The following SNTG1 variants were observed in gnomAD, a reference collection of about 807,000 sequenced individuals.
SNTG1 encodes syntrophin gamma 1.
A neutral mutation model predicts 74.7 loss-of-function variants in SNTG1; 39 were observed. The observed-to-expected ratio is 0.52, with a 90% CI of 0.40 to 0.68. SNTG1 has a LOEUF of 0.68. Among genes scored for constraint, SNTG1 ranks in the 30% least tolerant of loss-of-function variants. The pLI is 0.00. For missense variants in SNTG1, 685 were observed against 609.5 expected (o/e 1.12, Z -1.30); for synonymous variants, 254 against 217.1 (o/e 1.17, Z -1.49).
chr8:50,430,780 A>T (rs1198654722), intron 4 of SNTG1, among the ~76,000 whole-genome samples: 2 of 152,164 alleles, frequency 1.3e-5, no homozygotes, highest in Non-Finnish European at 2.9e-5. Context: ...CCATCCAGAA[A>T]AGGCAAGAAT....
intron 2 of SNTG1, among the ~76,000 whole-genome samples, chr8:50,369,648 C>T (rs2092219115): frequency 6.6e-6 from 1 of 151,494 alleles, no homozygotes; most frequent in East Asian, 1.9e-4. Flanking sequence ...AGCTCATTAT[C>T]TACCAAGTGA....
At chr8:50,047,567 T>A (rs1340032958) in intron 1 of SNTG1, among the ~76,000 whole-genome samples, 1 of 152,178 alleles carries the variant, frequency 6.6e-6, no homozygotes, top group Non-Finnish European at 1.5e-5. Context: ...ACCAGAATGT[T>A]TCATGGAACA....
intron 17 of SNTG1, among the ~76,000 whole-genome samples, chr8:50,735,504 A>G (rs1284499029): frequency 6.6e-6 from 1 of 151,868 alleles, no homozygotes; most frequent in African/African-American, 2.4e-5. Flanking sequence ...AAATCGATCA[A>G]TCAGAAGAAA....
chr8:50,197,739 C>T (rs939660523), intron 2 of SNTG1, among the ~76,000 whole-genome samples: 3 of 152,056 alleles, frequency 2.0e-5, no homozygotes, highest in Admixed American at 2.0e-4. Context: ...TGATGCATCT[C>T]GTTTCAAACT....
intron 1 of SNTG1, among the ~76,000 whole-genome samples, chr8:50,030,025 T>G (rs1230895543): frequency 2.0e-5 from 3 of 152,142 alleles, no homozygotes; most frequent in African/African-American, 7.2e-5. Context: ...TGCTTACCGT[T>G]TAGATAAAAG....
chr8:50,755,953 C>T lies in SNTG1; in HGVS notation c.1395+3842C>T, dbSNP rs147663183. Among the ~76,000 whole-genome samples the T allele has an allele frequency of 8.3e-3, 1,210 of 146,100 alleles. 5 individuals are homozygous for T. Among genetic ancestry groups the T allele is most frequent in the South Asian group, 0.019 (83 of 4,460 alleles). ...CTGGCCCATTTTTAATATTTTCATA[C>T]GCTAATTTTCATCTGTATATATTCT... is the stretch of plus-strand genomic sequence containing the variant. On this transcript the variant is annotated intron_variant, in intron 18 of 18. Transcript: ENST00000642720.
chr8:50,136,018 C>T (rs2081463450), intron 1 of SNTG1, among the ~76,000 whole-genome samples: 1 of 152,070 alleles, frequency 6.6e-6, no homozygotes, highest in Admixed American at 6.6e-5. Flanking sequence ...GTTTCCTGCC[C>T]CTGTGTTAGT....
chr8:50,688,892 T>C (rs1256579024), intron 15 of SNTG1, among the ~76,000 whole-genome samples: 4 of 152,070 alleles, frequency 2.6e-5, no homozygotes, highest in African/African-American at 9.7e-5. Flanking sequence ...CCCATGAGCA[T>C]GGAATGTTCT....
chr8:50,261,348 A>T (rs2087184097), intron 2 of SNTG1, among the ~76,000 whole-genome samples: 2 of 152,210 alleles, frequency 1.3e-5, no homozygotes, highest in African/African-American at 4.8e-5. Context: ...ACTTTTCCAG[A>T]TAAATAAAAA....
chr8:50,676,851 A>T (rs1379761588), intron 15 of SNTG1, among the ~76,000 whole-genome samples: 4 of 151,990 alleles, frequency 2.6e-5, no homozygotes, highest in Non-Finnish European at 4.4e-5. Flanking sequence ...AAAACAATGC[A>T]AGATTATTAT....
chr8:50,042,815 C>A (rs1281737509), intron 1 of SNTG1, among the ~76,000 whole-genome samples: 2 of 151,512 alleles, frequency 1.3e-5, no homozygotes, highest in Non-Finnish European at 2.9e-5. Context: ...CCAGGCTAAT[C>A]TAAATTATTG....
chr8:49,937,984 G>A (rs1404374432), intron 1 of SNTG1, among the ~76,000 whole-genome samples: 2 of 151,920 alleles, frequency 1.3e-5, no homozygotes, highest in Non-Finnish European at 2.9e-5. Flanking sequence ...TCCTATCAGT[G>A]ATCAGTCTTA....
chr8:50,002,827 C>T (rs1352322877), intron 1 of SNTG1, among the ~76,000 whole-genome samples: 6 of 151,902 alleles, frequency 3.9e-5, no homozygotes, highest in Non-Finnish European at 5.9e-5. Flanking sequence ...TTTGTAATAG[C>T]CAAAAAACAG....
chr8:49,950,817 C>A (rs1265220854), intron 1 of SNTG1, among the ~76,000 whole-genome samples: 1 of 152,174 alleles, frequency 6.6e-6, no homozygotes, highest in Non-Finnish European at 1.5e-5. Flanking sequence ...GTGGCTATAC[C>A]AAATGCTCCC....
chr8:50,612,816 G>A (rs985731068), intron 13 of SNTG1, among the ~76,000 whole-genome samples: 1 of 152,110 alleles, frequency 6.6e-6, no homozygotes, highest in Non-Finnish European at 1.5e-5. Context: ...TTTAGAGTCT[G>A]GACTCTATAG....
At chr8:50,391,610 CT>C (rs2092661778) in intron 2 of SNTG1, among the ~76,000 whole-genome samples, 1 of 152,128 alleles carries the variant, frequency 6.6e-6, no homozygotes, top group African/African-American at 2.4e-5. Context: ...AGGATTCCCT[CT>C]TTTTCTATTG....
At chr8:50,017,757 G>A (rs1816462489) in intron 1 of SNTG1, among the ~76,000 whole-genome samples, 1 of 151,776 alleles carries the variant, frequency 6.6e-6, no homozygotes, top group South Asian at 2.1e-4. Context: ...CAAATTTAAT[G>A]AAGCAAAAAC....
At chr8:50,639,411 CT>C (rs2095058501) in intron 13 of SNTG1, among the ~76,000 whole-genome samples, 3 of 151,838 alleles carry the variant, frequency 2.0e-5, no homozygotes, top group African/African-American at 7.2e-5. Context: ...AAATTATTGC[CT>C]TTTTGTTTTT....
intron 9 of SNTG1, among the ~76,000 whole-genome samples, chr8:50,507,420 C>T (rs1172694315): frequency 6.6e-6 from 1 of 151,968 alleles, no homozygotes; most frequent in Non-Finnish European, 1.5e-5. Flanking sequence ...TCTTTAAATG[C>T]TTGGTAAAGT....
Sources: allele counts gnomAD v4.1 joint callset (sites outside exome capture counted in the v4.1 genomes callset), GRCh38; gene constraint gnomAD v4.1.1; transcripts MANE v1.5; gene names NCBI Gene and HGNC (gene_info 2026-07-23, HGNC 2026-07-21).